Variants in ZFAT observed in about 807,000 individuals in gnomAD.
ZFAT encodes the protein zinc finger and AT-hook domain containing.
ZFAT carries 64 observed loss-of-function variants against 117.7 expected under a neutral mutation model. The observed-to-expected ratio is 0.54, with a 90% CI of 0.44 to 0.67. ZFAT has a LOEUF of 0.67. Ranked by LOEUF, ZFAT falls within the 30% of genes least tolerant of loss-of-function variation. The pLI, the probability that ZFAT is intolerant of heterozygous loss-of-function variation, is 0.00. For synonymous variants in ZFAT, 679 were observed against 615.0 expected, an observed-to-expected ratio of 1.10 and a Z score of -1.54; for missense variants, 1,433 against 1,584.5, an observed-to-expected ratio of 0.90 and a Z score of 1.62.
intron 15 of ZFAT, among the ~76,000 whole-genome samples, chr8:134,481,152 T>A (rs189200953): frequency 1.3e-5 from 2 of 152,298 alleles, no homozygotes; most frequent in Admixed American, 1.3e-4. Context: ...AAATGTACCA[T>A]GAACCAGGAT....
At chr8:134,507,060 C>T (rs1205074049) in intron 15 of ZFAT, among the ~76,000 whole-genome samples, 30 of 152,116 alleles carry the variant, frequency 2.0e-4, no homozygotes, top group Admixed American at 2.0e-3. Flanking sequence ...AGAGAAAGCC[C>T]CTGACATCAA....
chr8:134,692,596 A>C (rs1173747099), intron 1 of ZFAT, among the ~76,000 whole-genome samples: 2 of 152,256 alleles, frequency 1.3e-5, no homozygotes, highest in Non-Finnish European at 2.9e-5. Context: ...CAAAGGATGA[A>C]AGTAAATACA....
At chr8:134,576,554 T>C (rs918016752) in intron 10 of ZFAT, among the ~76,000 whole-genome samples, 6 of 152,204 alleles carry the variant, frequency 3.9e-5, no homozygotes, top group South Asian at 2.1e-4. Context: ...CCTTGTAAGA[T>C]CAATCCAGCT....
rs539873523 is a variant in ZFAT, at chr8:134,575,219, T to C, written c.2887+8613A>G. Among the ~76,000 whole-genome samples the C allele has an allele frequency of 2.0e-5, 3 of 152,236 alleles. No individual in the cohort carries two copies. The South Asian group carries it at 6.2e-4, about 32-fold the overall frequency. The stretch of plus-strand genomic sequence containing the variant: ...TCCCCAGAACCTATACATGCTATCA[T>C]ATATGGAAAAAAAATAAAAAGGAGT... On this transcript the variant is annotated intron_variant, in intron 10 of 15. Coordinates refer to ENST00000377838, the MANE Select transcript of ZFAT (RefSeq NM_020863.4).
At chr8:134,629,347 G>C (rs2131061311) in intron 3 of ZFAT, among the ~76,000 whole-genome samples, 1 of 152,214 alleles carries the variant, frequency 6.6e-6, no homozygotes, top group East Asian at 1.9e-4. Flanking sequence ...TCAGGCAAAT[G>C]GATAAGAACC....
intron 9 of ZFAT, among the ~76,000 whole-genome samples, chr8:134,585,615 G>A (rs975283098): frequency 8.5e-5 from 13 of 152,164 alleles, no homozygotes; most frequent in Admixed American, 3.9e-4. Flanking sequence ...CCCACGGGCC[G>A]GCTGTGGAAC....
the ZFAT span, among the ~76,000 whole-genome samples, chr8:134,774,773 CG>C: frequency 3.3e-5 from 5 of 152,282 alleles, no homozygotes; most frequent in East Asian, 9.6e-4. Flanking sequence ...TCTTCTCATT[CG>C]CCAACTCTGT....
chr8:134,653,333 G>A (rs932593825), intron 2 of ZFAT, among the ~76,000 whole-genome samples: 3 of 143,950 alleles, frequency 2.1e-5, no homozygotes, highest in Non-Finnish European at 4.5e-5. Context: ...CTGGAGTGCA[G>A]TGGTGCAATC....
At chr8:134,530,931 C>T (rs1330875433) in intron 12 of ZFAT, among the ~76,000 whole-genome samples, 1 of 152,148 alleles carries the variant, frequency 6.6e-6, no homozygotes, top group African/African-American at 2.4e-5. Flanking sequence ...ATATAATGGA[C>T]TTGAGCCATC....
intron 13 of ZFAT, among the ~76,000 whole-genome samples, chr8:134,517,760 C>G (rs185529703): frequency 1.3e-5 from 2 of 152,130 alleles, no homozygotes; most frequent in Non-Finnish European, 2.9e-5. Context: ...ATGACCTTGA[C>G]GCTTTTGAGG....
intron 3 of ZFAT, among the ~76,000 whole-genome samples, chr8:134,623,149 C>T (rs1188782770): frequency 6.6e-6 from 1 of 152,132 alleles, no homozygotes; most frequent in Non-Finnish European, 1.5e-5. Flanking sequence ...GACCTCCTTC[C>T]ACTGATACTG....
chr8:134,523,644 A>C, intron 12 of ZFAT, among the ~76,000 whole-genome samples: 1 of 151,104 alleles, frequency 6.6e-6, no homozygotes, highest in Non-Finnish European at 1.5e-5. Context: ...TAAAATCCTG[A>C]CTCCTCCCTG....
At chr8:134,611,071 G>A (rs961715996) in intron 3 of ZFAT, among the ~76,000 whole-genome samples, 4 of 152,248 alleles carry the variant, frequency 2.6e-5, no homozygotes, top group Non-Finnish European at 4.4e-5. Flanking sequence ...CAGGCATGGT[G>A]GACAAAAGGA....
At chr8:134,741,427 G>A in the ZFAT span, among the ~76,000 whole-genome samples, 8 of 152,090 alleles carry the variant, frequency 5.3e-5, no homozygotes, top group Admixed American at 2.0e-4. Context: ...TACTGGGTAC[G>A]AATACTCTTC....
chr8:134,689,409 G>C (rs1427103105), intron 1 of ZFAT, among the ~76,000 whole-genome samples: 2 of 152,174 alleles, frequency 1.3e-5, no homozygotes, highest in African/African-American at 4.8e-5. Context: ...GCTCATTCTT[G>C]AATTCCCTCC....
chr8:134,583,113 C>A (rs1336985902), intron 10 of ZFAT, among the ~76,000 whole-genome samples: 5 of 152,142 alleles, frequency 3.3e-5, no homozygotes, highest in Admixed American at 1.3e-4. Flanking sequence ...CCGAGCTCAC[C>A]ACCCACCTCG....
chr8:134,783,514 G>A, the ZFAT span, among the ~76,000 whole-genome samples: 27,071 of 152,090 alleles, frequency 0.18, 2,652 homozygotes, highest in East Asian at 0.37. Context: ...CACAAAACCG[G>A]TTCCTGGTGC....
chr8:134,707,925 C>A (rs117049906), intron 1 of ZFAT, among the ~76,000 whole-genome samples: 2,457 of 152,182 alleles, frequency 0.016, 34 homozygotes, highest in Non-Finnish European at 0.025. Context: ...TCACAATAGT[C>A]AAGTATGGAA....
chr8:134,677,825 G>A (rs767264054), intron 1 of ZFAT, among the ~76,000 whole-genome samples: 3 of 152,070 alleles, frequency 2.0e-5, no homozygotes, highest in African/African-American at 7.2e-5. Context: ...CATCTATCAC[G>A]TAAACAGAAC....
Sources: allele counts gnomAD v4.1 joint callset (sites outside exome capture counted in the v4.1 genomes callset), GRCh38; gene constraint gnomAD v4.1.1; transcripts MANE v1.5; gene names NCBI Gene and HGNC (gene_info 2026-07-23, HGNC 2026-07-21).